The following PFKFB3 variants were observed in gnomAD, a reference collection of about 807,000 sequenced individuals.
PFKFB3 encodes 6-phosphofructo-2-kinase/fructose-2,6-bisphosphatase 3.
A neutral mutation model predicts 68.0 loss-of-function variants in PFKFB3; 33 were observed. That is an observed-to-expected ratio of 0.49 (90% CI 0.37 to 0.65). PFKFB3 has a LOEUF of 0.65. Ranked by LOEUF, PFKFB3 falls within the 30% of genes least tolerant of loss-of-function variation. PFKFB3 has a pLI of 0.00. For missense variants in PFKFB3, 586 were observed against 712.2 expected (o/e 0.82, Z 2.02); for synonymous variants, 315 against 288.2 (o/e 1.09, Z -0.94).
the PFKFB3 span, among the ~76,000 whole-genome samples, chr10:6,284,354 A>G: frequency 6.6e-6 from 1 of 151,990 alleles, no homozygotes; most frequent in Non-Finnish European, 1.5e-5. Context: ...ACATATTTTG[A>G]TGCTCTGTTA....
rs939415798 is a variant in PFKFB3, at chr10:6,231,864, C to T, written c.1516-1031C>T. On this transcript the variant is annotated intron_variant, in intron 14 of 14. Coordinates refer to ENST00000379775, the MANE Select transcript of PFKFB3 (RefSeq NM_004566.4). ...CCGGTGGGCACCCATCACCTCCTGG[C>T]GGGCACCCATCACCTCTCGGCGGGC... is the stretch of plus-strand genomic sequence containing the variant. Among the ~76,000 whole-genome samples the T allele has an allele frequency of 8.6e-5, 13 of 151,196 alleles. No homozygotes were observed. In the East Asian group the frequency reaches 9.8e-4, roughly 11 times the overall value.
At chr10:6,151,865 G>T (rs7078712) in intron 1 of PFKFB3, among the ~76,000 whole-genome samples, 7,192 of 152,092 alleles carry the variant, frequency 0.047, 250 homozygotes, top group African/African-American at 0.099. Context: ...CTGTCGGGCG[G>T]CAGGCACTGG....
intron 14 of PFKFB3, among the ~76,000 whole-genome samples, chr10:6,232,308 G>A (rs549157863): frequency 4.5e-4 from 69 of 152,204 alleles, no homozygotes; most frequent in African/African-American, 1.6e-3. Context: ...AACTCCCTGC[G>A]AGGGCCACTG....
chr10:6,314,609 G>T, the PFKFB3 span, among the ~76,000 whole-genome samples: 1 of 152,120 alleles, frequency 6.6e-6, no homozygotes, highest in Non-Finnish European at 1.5e-5. Context: ...TCTATTATTG[G>T]ACATTTAAGT....
At chr10:6,179,674 A>G (rs371978334) in intron 1 of PFKFB3, among the ~76,000 whole-genome samples, 6 of 152,312 alleles carry the variant, frequency 3.9e-5, no homozygotes, top group Admixed American at 1.3e-4. Flanking sequence ...CTGGATCATC[A>G]TGGGCTGTGT....
intron 1 of PFKFB3, among the ~76,000 whole-genome samples, chr10:6,161,834 C>G (rs980201725): frequency 6.6e-6 from 1 of 152,168 alleles, no homozygotes; most frequent in Non-Finnish European, 1.5e-5. Flanking sequence ...AACAGGGTTT[C>G]ACTATGTTGC....
chr10:6,172,823 GAAAAA>G (rs56885054), intron 1 of PFKFB3, among the ~76,000 whole-genome samples: 1 of 143,280 alleles, frequency 7.0e-6, no homozygotes, highest in Non-Finnish European at 1.5e-5. Flanking sequence ...CTTCATCTCA[GAAAAA>G]AAAAAAAAAG....
At chr10:6,177,349 C>CTT (rs1302989251) in intron 1 of PFKFB3, among the ~76,000 whole-genome samples, 3 of 85,276 alleles carry the variant, frequency 3.5e-5, no homozygotes, top group East Asian at 6.6e-4. Flanking sequence ...TGTTTCTTTT[C>CTT]TTTTCTCTTT....
intron 14 of PFKFB3, among the ~76,000 whole-genome samples, chr10:6,251,323 G>A (rs1331045715): frequency 6.6e-6 from 1 of 152,152 alleles, no homozygotes; most frequent in Non-Finnish European, 1.5e-5. Flanking sequence ...TCATCTCCAG[G>A]GAATGGTGCC....
chr10:6,326,485 C>T, the PFKFB3 span: 27 of 450,574 alleles, frequency 6.0e-5, no homozygotes, highest in African/African-American at 4.8e-4. Context: ...ATAATAAACA[C>T]AAGCACTTAC....
rs764872013 is a variant in PFKFB3 at position 6,220,810 on chromosome 10, A to G, written c.776A>G (p.His259Arg). 1 of 1,613,708 alleles carries G rather than the reference A, an allele frequency of 6.2e-7. No individual in the cohort carries two copies. Among genetic ancestry groups the G allele is most frequent in the South Asian group, 1.1e-5 (1 of 91,084 alleles). ...IYLCRHGENE[H>R]NLQGRIGGDS... ...CTGTGCCGGCACGGCGAGAACGAGC[A>G]CAACCTCCAGGGCCGCATCGGGGGC... is the stretch of plus-strand genomic sequence containing the variant. The change falls in exon 8 of 15, where the codon CAC (histidine) becomes CGC (arginine). Residue 259 changes from histidine (H) to arginine (R), a missense_variant. Transcript: ENST00000379775. This position sits in a 1 kb window ranked among gnomAD's most constrained non-coding sequence, Gnocchi z 4.1.
chr10:6,219,578 A>G lies in PFKFB3; in HGVS notation c.508A>G (p.Ile170Val), dbSNP rs373530404. 4 of 1,613,866 alleles carry G rather than the reference A, an allele frequency of 2.5e-6. No homozygotes were observed. Among genetic ancestry groups the G allele is most frequent in the Non-Finnish European group, 3.4e-6 (4 of 1,179,958 alleles). ...CTTTGTGGTGTTGCAGGAAGTTAAAATCTCCAGCCCGGATTACAAAGACTG... is the reference window on the plus strand; with the variant it reads ...CTTTGTGGTGTTGCAGGAAGTTAAAGTCTCCAGCCCGGATTACAAAGACTG... ...VVASNIMEVK[I>V]SSPDYKDCNS... The change falls in exon 7 of 15, where the codon ATC (isoleucine) becomes GTC (valine). Residue 170 changes from isoleucine (I) to valine (V), a missense_variant. By Grantham distance (29) the Ile-to-Val change is conservative (BLOSUM62 3). Transcript: ENST00000379775.
chr10:6,217,209 C>T lies in PFKFB3; in HGVS notation c.498+18C>T. 1 of 1,611,272 alleles carries T rather than the reference C, an allele frequency of 6.2e-7. No individual in the cohort carries two copies. Among genetic ancestry groups the T allele is most frequent in the Non-Finnish European group, 8.5e-7 (1 of 1,177,414 alleles). ...ATATCATGGTAAGACAGCCGGGAGC[C>T]CCGTGCTTCTGCGGCAGCGTAGACC... On this transcript the variant is annotated intron_variant, in intron 6 of 14. Transcript: ENST00000379775.
the PFKFB3 span, among the ~76,000 whole-genome samples, chr10:6,295,326 A>G: frequency 6.6e-6 from 1 of 152,116 alleles, no homozygotes; most frequent in East Asian, 1.9e-4. Context: ...GGTTCAAGCC[A>G]TTCTCCTGCC....
downstream of PFKFB3, among the ~76,000 whole-genome samples, chr10:6,235,762 C>A (rs1588557659): frequency 7.7e-6 from 1 of 129,116 alleles, no homozygotes; most frequent in Non-Finnish European, 1.7e-5. Flanking sequence ...TAATTTTTTT[C>A]TTTTTTTTCT....
At chr10:6,318,495 A>C in the PFKFB3 span, among the ~76,000 whole-genome samples, 2 of 152,168 alleles carry the variant, frequency 1.3e-5, no homozygotes, top group South Asian at 4.1e-4. Flanking sequence ...GATCCTGTCC[A>C]TTCCCGGAGC....
the PFKFB3 span, among the ~76,000 whole-genome samples, chr10:6,265,496 A>G: frequency 1.3e-5 from 2 of 152,034 alleles, no homozygotes; most frequent in African/African-American, 2.4e-5. Flanking sequence ...ATGTTTCTCC[A>G]CTATTATGTT....
intron 1 of PFKFB3, among the ~76,000 whole-genome samples, chr10:6,165,030 C>T (rs1192161943): frequency 6.6e-6 from 1 of 152,032 alleles, no homozygotes; most frequent in Non-Finnish European, 1.5e-5. Flanking sequence ...CTTCTCAGTA[C>T]AGACCCTTTA....
At chr10:6,239,849 T>G (rs1846100698), downstream of PFKFB3, among the ~76,000 whole-genome samples, 2 of 152,158 alleles carry the variant, frequency 1.3e-5, no homozygotes, top group South Asian at 4.1e-4. Context: ...AATGTTTGTA[T>G]TTTTAGTAGA....
Sources: gnomAD v4.1 joint callset for allele counts (sites outside exome capture counted in the v4.1 genomes callset) on GRCh38, gnomAD v4.1.1 for gene constraint, Gnocchi (gnomAD v3.1) non-coding constraint, MANE v1.5 for transcripts, NCBI Gene and HGNC (gene_info 2026-07-23, HGNC 2026-07-21) for gene names.